MPV17L: variants seen among roughly 807,000 people sequenced by gnomAD.
MPV17L encodes the protein mpv17-like protein.
Under a neutral mutation model 25.8 loss-of-function variants are expected in MPV17L, and 24 were observed. The ratio of observed to expected loss-of-function variants is 0.93; its 90% CI spans 0.67 to 1.31. MPV17L has a LOEUF of 1.31. Ranked by LOEUF, MPV17L falls within the 50% of genes most tolerant of loss-of-function variation. The pLI is 0.00. For synonymous variants in MPV17L, 102 were observed against 115.3 expected, an observed-to-expected ratio of 0.88 and a Z score of 0.74; for missense variants, 250 against 265.6, an observed-to-expected ratio of 0.94 and a Z score of 0.41.
In MPV17L at chr16:15,412,235, C is replaced by G. The variant is rs2050739263; in HGVS notation, c.*4123C>G. 6 of 152,106 alleles carry G rather than the reference C, an allele frequency of 3.9e-5. No homozygotes were observed. The highest frequency in any genetic ancestry group is 3.9e-4 in the Admixed American group (6 of 15,252). 9.4% of individuals were successfully genotyped at this position (152,106 alleles called of 1,614,324 possible). A position where few individuals can be genotyped will look rare whatever the true frequency, so the allele number is the denominator to read the frequency against. ...CTTGAGCTCAGGAGTTTGAGACCAA[C>G]TTGGGCAATGTGGTGAAACCCTATC... is the stretch of plus-strand genomic sequence containing the variant. On this transcript the variant is annotated 3_prime_UTR_variant, in exon 4 of 4. Transcript: ENST00000396385.
intron 1 of MPV17L, 23 bp from the exon 2 acceptor site, chr16:15,400,764 T>A (rs764344220): frequency 3.8e-5 from 58 of 1,512,688 alleles, no homozygotes; most frequent in African/African-American, 9.8e-5. Flanking sequence ...TCTTTTAAAA[T>A]TTTTTTTGGG....
At chr16:15,407,435 G>A (rs1417517911) in intron 2 of MPV17L, among the ~76,000 whole-genome samples, 1 of 152,032 alleles carries the variant, frequency 6.6e-6, no homozygotes, top group East Asian at 1.9e-4. Context: ...CTGTGCAATT[G>A]TTTTGTGTGG....
chr16:15,397,735 C>T (rs2050599678), intron 1 of MPV17L, among the ~76,000 whole-genome samples: 1 of 152,074 alleles, frequency 6.6e-6, no homozygotes, highest in African/African-American at 2.4e-5. Context: ...CCCCGTGTGC[C>T]TTATTTTTAA....
intron 2 of MPV17L, among the ~76,000 whole-genome samples, chr16:15,406,775 A>C (rs1872334430): frequency 6.6e-6 from 1 of 151,888 alleles, no homozygotes; most frequent in African/African-American, 2.4e-5. Context: ...AAAATACAAA[A>C]ATTAGCCGAG....
chr16:15,407,801 C>G, intron 2 of MPV17L, 23 bp from the exon 3 acceptor site: 2 of 1,320,610 alleles, frequency 1.5e-6, no homozygotes, highest in Non-Finnish European at 2.1e-6. Context: ...AAAGTTGTTG[C>G]TTTTTTTTTT....
intron 2 of MPV17L, among the ~76,000 whole-genome samples, chr16:15,401,082 A>ATT (rs1329299931): frequency 0.014 from 459 of 32,468 alleles, 6 homozygotes; most frequent in East Asian, 0.042. Flanking sequence ...ATATATATAT[A>ATT]TATATTTTTT....
At chr16:15,399,189 G>A (rs153001) in intron 1 of MPV17L, among the ~76,000 whole-genome samples, 108,028 of 151,398 alleles carry the variant, frequency 0.71, 38,887 homozygotes, top group Admixed American at 0.76. Flanking sequence ...AATGAGGCAC[G>A]TAAACTACAT....
intron 2 of MPV17L, among the ~76,000 whole-genome samples, chr16:15,401,802 G>A (rs1341770523): frequency 6.6e-6 from 1 of 152,100 alleles, no homozygotes; most frequent in East Asian, 1.9e-4. Context: ...GGGCAATACA[G>A]CAAGACTCCA....
chr16:15,398,044 TTTC>T (rs2050602228), intron 1 of MPV17L, among the ~76,000 whole-genome samples: 1 of 152,090 alleles, frequency 6.6e-6, no homozygotes. Flanking sequence ...TTGTTCTCTT[TTTC>T]TTCTTTTTTT....
In MPV17L at chr16:15,412,150, T is replaced by C. The variant is rs1411760936; in HGVS notation, c.*4038T>C. 1 of 152,084 alleles carries C rather than the reference T, an allele frequency of 6.6e-6. No individual in the cohort carries two copies. Among genetic ancestry groups the C allele is most frequent in the Non-Finnish European group, 1.5e-5 (1 of 68,022 alleles). 9.4% of individuals were successfully genotyped at this position (152,084 alleles called of 1,614,324 possible). The stretch of plus-strand genomic sequence containing the variant: ...TTGTGCGTGTTTATAATTTTCTGGC[T>C]GGGCCCGGTGGCTCATGCCTGTAAT... On this transcript the variant is annotated 3_prime_UTR_variant, in exon 4 of 4. Coordinates refer to ENST00000396385, the MANE Select transcript of MPV17L (RefSeq NM_001128423.2).
chr16:15,409,266 G>A lies in MPV17L; in HGVS notation c.*1154G>A, dbSNP rs1200275462. 1 of 152,086 alleles carries A rather than the reference G, an allele frequency of 6.6e-6. No individual in the cohort carries two copies. Among genetic ancestry groups the A allele is most frequent in the Non-Finnish European group, 1.5e-5 (1 of 68,098 alleles). 9.4% of individuals were successfully genotyped at this position (152,086 alleles called of 1,614,324 possible). A position where few individuals can be genotyped will look rare whatever the true frequency, so the allele number is the denominator to read the frequency against. ...CTGGCTCATTTTTGTATTTTTAGTAGAGAGGGCGTTTTGCCATGTTGGCTA... is the reference window on the plus strand; with the variant it reads ...CTGGCTCATTTTTGTATTTTTAGTAAAGAGGGCGTTTTGCCATGTTGGCTA... On this transcript the variant is annotated 3_prime_UTR_variant, in exon 4 of 4. Transcript: ENST00000396385.
intron 1 of MPV17L, among the ~76,000 whole-genome samples, chr16:15,397,690 T>C (rs2050599269): frequency 6.6e-6 from 1 of 152,134 alleles, no homozygotes; most frequent in African/African-American, 2.4e-5. Flanking sequence ...CAGGTTGAAG[T>C]CAGACAAGCC....
intron 2 of MPV17L, among the ~76,000 whole-genome samples, chr16:15,403,368 CAAA>C (rs36042308): frequency 4.1e-5 from 3 of 73,036 alleles, no homozygotes; most frequent in Admixed American, 1.7e-4. Flanking sequence ...GACTCCGTCT[CAAA>C]AAAAAAAAAA....
intron 1 of MPV17L, among the ~76,000 whole-genome samples, chr16:15,400,235 T>C (rs892656519): frequency 6.6e-6 from 1 of 152,224 alleles, no homozygotes; most frequent in Non-Finnish European, 1.5e-5. Flanking sequence ...TGTGAATTGT[T>C]AGTTTTTGAA....
In MPV17L at chr16:15,396,162, G is replaced by T; in HGVS notation, c.265G>T (p.Asp89Tyr). The T allele has an allele frequency of 3.2e-6, 5 of 1,550,414 alleles. No individual in the cohort carries two copies. The highest frequency in any genetic ancestry group is 4.4e-6 in the Non-Finnish European group (5 of 1,147,854). Residue 89 changes from aspartate (D) to tyrosine (Y), a missense_variant, in exon 1 of 4, where the codon GAC becomes TAC. Asp to Tyr is a radical substitution (Grantham distance 160). Coordinates refer to ENST00000396385, the MANE Select transcript of MPV17L (RefSeq NM_001128423.2). ...CGCCCTGCTGGCCAAGTTGCTGTGCGACCAGGTGGTCGGTGCGCCCATCGC... is the reference window on the plus strand; with the variant it reads ...CGCCCTGCTGGCCAAGTTGCTGTGCTACCAGGTGGTCGGTGCGCCCATCGC... ...PHALLAKLLC[D>Y]QVVGAPIAVS...
In MPV17L at chr16:15,409,917, A is replaced by G. The variant is rs1216567231; in HGVS notation, c.*1805A>G. 6.6e-6 allele frequency: 1 copy of G among 152,198 alleles called. No individual in the cohort carries two copies. Among genetic ancestry groups the G allele is most frequent in the African/African-American group, 2.4e-5 (1 of 41,450 alleles). The allele number at this position is 152,198 out of a possible 1,614,324, so 9.4% of individuals were successfully genotyped here. A position where few individuals can be genotyped will look rare whatever the true frequency, so the allele number is the denominator to read the frequency against. ...CTTCTATTTTTATAATTTTTAATGA[A>G]TGCTTTTTAGTTTTGGGCAGATTCA... On this transcript the variant is annotated 3_prime_UTR_variant, in exon 4 of 4. Transcript: ENST00000396385.
rs1180439104 is a variant in MPV17L, at chr16:15,412,151, G to A, written c.*4039G>A. 6.6e-6 allele frequency: 1 copy of A among 152,038 alleles called. No individual in the cohort carries two copies. Among genetic ancestry groups the A allele is most frequent in the Non-Finnish European group, 1.5e-5 (1 of 68,012 alleles). The allele number at this position is 152,038 out of a possible 1,614,324, so 9.4% of individuals were successfully genotyped here. A position where few individuals can be genotyped will look rare whatever the true frequency, so the allele number is the denominator to read the frequency against. On this transcript the variant is annotated 3_prime_UTR_variant, in exon 4 of 4. Coordinates refer to ENST00000396385, the MANE Select transcript of MPV17L (RefSeq NM_001128423.2). ...TGTGCGTGTTTATAATTTTCTGGCT[G>A]GGCCCGGTGGCTCATGCCTGTAATC...
chr16:15,404,994 C>A (rs1269143952), intron 2 of MPV17L, among the ~76,000 whole-genome samples: 1 of 152,072 alleles, frequency 6.6e-6, no homozygotes, highest in Non-Finnish European at 1.5e-5. Context: ...GTGGGAGTTC[C>A]CCCAAGCTGG....
At chr16:15,401,159 C>A (rs1293254810) in intron 2 of MPV17L, among the ~76,000 whole-genome samples, 1 of 137,636 alleles carries the variant, frequency 7.3e-6, no homozygotes, top group Middle Eastern at 4.3e-3. Flanking sequence ...GGCACCCAGG[C>A]TGGAATGCAG....
Sources: allele counts gnomAD v4.1 joint callset (sites outside exome capture counted in the v4.1 genomes callset), GRCh38; gene constraint gnomAD v4.1.1; transcripts MANE v1.5; gene names NCBI Gene and HGNC (gene_info 2026-07-23, HGNC 2026-07-21).